CCDC141: variants seen among roughly 807,000 people sequenced by gnomAD.
CCDC141 encodes coiled-coil domain containing 141.
A neutral mutation model predicts 181.0 loss-of-function variants in CCDC141; 168 were observed. The observed-to-expected ratio is 0.93, with a 90% CI of 0.82 to 1.05. The LOEUF (loss-of-function observed/expected upper bound fraction) is 1.05. Ranked by LOEUF, CCDC141 falls within the 50% of genes least tolerant of loss-of-function variation. The pLI is 0.00. For synonymous variants in CCDC141, 666 were observed against 642.3 expected (o/e 1.04, Z -0.56); for missense variants, 1,902 against 1,788.5 (o/e 1.06, Z -1.14).
chr2:178,885,293 C>T (rs1007974407), intron 10 of CCDC141, among the ~76,000 whole-genome samples: 1 of 150,312 alleles, frequency 6.7e-6, no homozygotes, highest in South Asian at 2.1e-4. Context: ...TCAAATTCTT[C>T]TTGGTTCTAT....
intron 7 of CCDC141, among the ~76,000 whole-genome samples, chr2:178,909,652 G>A (rs1053902136): frequency 6.6e-6 from 1 of 152,144 alleles, no homozygotes; most frequent in African/African-American, 2.4e-5. Flanking sequence ...AAGTATCATT[G>A]CTCTCACTTA....
At chr2:178,845,830 C>A in intron 21 of CCDC141, 88 bp from the exon 22 acceptor site, 1 of 776,022 alleles carries the variant, frequency 1.3e-6, no homozygotes. Flanking sequence ...AAACATAGAC[C>A]ACTTGCAACC....
intron 2 of CCDC141, among the ~76,000 whole-genome samples, chr2:179,031,993 T>TA (rs892100112): frequency 2.1e-4 from 32 of 152,060 alleles, no homozygotes; most frequent in East Asian, 7.7e-4. Context: ...AACTTACTTT[T>TA]AAAAAAAATC....
intron 1 of CCDC141, among the ~76,000 whole-genome samples, chr2:179,048,179 G>A (rs1390811507): frequency 6.6e-6 from 1 of 152,174 alleles, no homozygotes; most frequent in Non-Finnish European, 1.5e-5. Flanking sequence ...TACGCATGTA[G>A]ATACCTGAAT....
chr2:178,932,851 G>A (rs955340948), intron 6 of CCDC141, among the ~76,000 whole-genome samples: 1 of 152,070 alleles, frequency 6.6e-6, no homozygotes, highest in African/African-American at 2.4e-5. Flanking sequence ...TGACAATTAT[G>A]CATTTAAATT....
At chr2:178,849,499 A>G (rs957546307) in intron 21 of CCDC141, among the ~76,000 whole-genome samples, 3 of 152,242 alleles carry the variant, frequency 2.0e-5, no homozygotes, top group Admixed American at 1.3e-4. Context: ...GACATTGACA[A>G]AGAAACATAT....
intron 16 of CCDC141, 111 bp downstream of exon 16, chr2:178,867,915 A>T: frequency 2.4e-6 from 2 of 824,588 alleles, no homozygotes; most frequent in Non-Finnish European, 3.6e-6. Flanking sequence ...CCAATGGTTT[A>T]GTTTATTTTT....
At chr2:178,841,824 G>C (rs1684736011) in intron 22 of CCDC141, among the ~76,000 whole-genome samples, 1 of 152,072 alleles carries the variant, frequency 6.6e-6, no homozygotes, top group African/African-American at 2.4e-5. Flanking sequence ...GTAGAGACGG[G>C]GTTTCACCAT....
At position 178,962,613 on chromosome 2, in the gene CCDC141, CT is replaced by C. The variant is rs1269236210; in HGVS notation, c.527-1131del. The stretch of plus-strand genomic sequence containing the variant: ...CCTTCTTTCTTTCTTTCTTTTCTTT[CT>C]TTTCCTTCTTTCCTTCTTTCTTTCC... On this transcript the variant is annotated intron_variant, in intron 4 of 23. Coordinates refer to ENST00000443758, the MANE Select transcript of CCDC141 (RefSeq NM_173648.4). Among the ~76,000 whole-genome samples, 48 of 147,238 alleles carry C rather than the reference CT, an allele frequency of 3.3e-4. 1 individual carries two copies. In the South Asian group the frequency reaches 9.8e-3, roughly 30 times the overall value.
chr2:178,895,282 C>T (rs13416791), intron 8 of CCDC141, among the ~76,000 whole-genome samples: 3,307 of 152,090 alleles, frequency 0.022, 123 homozygotes, highest in African/African-American at 0.075. Context: ...TAAATATGTC[C>T]CCTCACATCT....
At chr2:178,988,007 G>C (rs562304915) in intron 2 of CCDC141, among the ~76,000 whole-genome samples, 75 of 151,774 alleles carry the variant, frequency 4.9e-4, no homozygotes, top group South Asian at 1.7e-3. Flanking sequence ...CTGCTATAAA[G>C]ACACATGCAC....
intron 23 of CCDC141, chr2:178,835,863 A>C (rs1402494895): frequency 6.6e-6 from 1 of 152,654 alleles, no homozygotes; most frequent in African/African-American, 2.4e-5. Flanking sequence ...AGACAATAAA[A>C]CAAAAAGCAA....
At chr2:179,029,009 T>TA (rs1266306893) in intron 2 of CCDC141, among the ~76,000 whole-genome samples, 3 of 152,178 alleles carry the variant, frequency 2.0e-5, no homozygotes, top group Non-Finnish European at 4.4e-5. Flanking sequence ...CCCCAGCCCC[T>TA]ATTCTCCATA....
At chr2:179,015,089 T>TATATATATATATAAA (rs2042405741) in intron 2 of CCDC141, among the ~76,000 whole-genome samples, 3 of 47,124 alleles carry the variant, frequency 6.4e-5, no homozygotes, top group African/African-American at 1.9e-4. Context: ...TATATATATA[T>TATATATATATATAAA]ATATATATAT....
At chr2:178,905,922 A>C (rs183077541) in intron 7 of CCDC141, among the ~76,000 whole-genome samples, 1,730 of 152,348 alleles carry the variant, frequency 0.011, 39 homozygotes, top group African/African-American at 0.039. Context: ...TCTTTAGAGG[A>C]AATTTCCCAG....
At chr2:178,910,658 C>G (rs189552970) in intron 7 of CCDC141, among the ~76,000 whole-genome samples, 1 of 152,332 alleles carries the variant, frequency 6.6e-6, no homozygotes, top group African/African-American at 2.4e-5. Flanking sequence ...TTTCAAATGC[C>G]CTGAAGGCCA....
At chr2:178,892,580 T>A (rs746074858) in intron 8 of CCDC141, among the ~76,000 whole-genome samples, 47 of 152,286 alleles carry the variant, frequency 3.1e-4, no homozygotes, top group Non-Finnish European at 2.2e-4. Context: ...ATTAGAAACT[T>A]TATACGATGA....
At chr2:178,958,440 C>T (rs1489727266) in intron 5 of CCDC141, among the ~76,000 whole-genome samples, 2 of 152,092 alleles carry the variant, frequency 1.3e-5, no homozygotes, top group African/African-American at 4.8e-5. Flanking sequence ...ACCTTTCTCT[C>T]AATTTTGCTC....
intron 8 of CCDC141, among the ~76,000 whole-genome samples, chr2:178,890,898 A>G (rs1687117391): frequency 1.3e-5 from 2 of 152,114 alleles, no homozygotes; most frequent in Non-Finnish European, 2.9e-5. Context: ...CACTTTGTTA[A>G]GTGCATTAGA....
Sources: allele counts gnomAD v4.1 joint callset (sites outside exome capture counted in the v4.1 genomes callset), GRCh38; gene constraint gnomAD v4.1.1; transcripts MANE v1.5; gene names NCBI Gene and HGNC (gene_info 2026-07-23, HGNC 2026-07-21).